The following EPB41L3 variants were observed in gnomAD, a reference collection of about 807,000 sequenced individuals.
EPB41L3 encodes the protein erythrocyte membrane protein band 4.1 like 3, also known as band 4.1-like protein 3.
A neutral mutation model predicts 127.1 loss-of-function variants in EPB41L3; 57 were observed. The observed-to-expected ratio is 0.45, with a 90% CI of 0.36 to 0.56. The LOEUF is 0.56. Among genes scored for constraint, EPB41L3 ranks in the 20% least tolerant of loss-of-function variants. The pLI, the probability that EPB41L3 is intolerant of heterozygous loss-of-function variation, is 0.00. For missense variants in EPB41L3, 1,273 were observed against 1,372.2 expected (o/e 0.93, Z 1.14); for synonymous variants, 572 against 549.5 (o/e 1.04, Z -0.57).
chr18:5,433,319 C>G (rs956775340), intron 8 of EPB41L3, 150 bp downstream of exon 8: 1 of 607,120 alleles, frequency 1.6e-6, no homozygotes, highest in Non-Finnish European at 2.9e-6. Flanking sequence ...TTTGTTGTAT[C>G]GTGGAGTAGG....
chr18:5,445,030 G>A, intron 4 of EPB41L3, 110 bp downstream of exon 4: 1 of 742,572 alleles, frequency 1.3e-6, no homozygotes, highest in Non-Finnish European at 2.3e-6. Flanking sequence ...GAAAGTGTGG[G>A]AGAATGAAGG....
chr18:5,396,885 A>T (rs556733289), intron 18 of EPB41L3, among the ~76,000 whole-genome samples, 173 bp downstream of exon 18: 19 of 152,324 alleles, frequency 1.2e-4, no homozygotes, highest in African/African-American at 4.6e-4. Context: ...CAAAGCTGGA[A>T]ATCAGTGTGG....
chr18:5,507,785 G>A (rs1436276663), intron 1 of EPB41L3, among the ~76,000 whole-genome samples: 1 of 152,140 alleles, frequency 6.6e-6, no homozygotes, highest in Non-Finnish European at 1.5e-5. Context: ...TTTGGACCAA[G>A]TTCCTTAAAA....
intron 3 of EPB41L3, among the ~76,000 whole-genome samples, chr18:5,453,332 A>T (rs1265635565): frequency 6.6e-6 from 1 of 152,210 alleles, no homozygotes; most frequent in Admixed American, 6.5e-5. Flanking sequence ...GAAGAGAATG[A>T]GGAGAGCAAG....
chr18:5,429,423 T>C (rs188595488), intron 8 of EPB41L3: 2 of 152,216 alleles, frequency 1.3e-5, no homozygotes, highest in African/African-American at 2.4e-5. Flanking sequence ...GTGGTGGCCA[T>C]GAATGAAGGA....
At chr18:5,442,821 A>G (rs2146241530) in intron 5 of EPB41L3, among the ~76,000 whole-genome samples, 1 of 152,372 alleles carries the variant, frequency 6.6e-6, no homozygotes, top group Non-Finnish European at 1.5e-5. Context: ...ACACTGGATG[A>G]TACTGCTGGA....
At chr18:5,472,523 A>T (rs556328419) in intron 3 of EPB41L3, among the ~76,000 whole-genome samples, 83 of 152,360 alleles carry the variant, frequency 5.4e-4, no homozygotes, top group African/African-American at 1.9e-3. Context: ...GCTACGTGGA[A>T]TCAAAAGCTC....
chr18:5,545,295 T>G (rs960020663), upstream of EPB41L3, among the ~76,000 whole-genome samples: 1 of 152,134 alleles, frequency 6.6e-6, no homozygotes, highest in African/African-American at 2.4e-5. Context: ...AAAAAATGGA[T>G]TCACAAAAAT....
At chr18:5,460,343 C>G (rs1451403452) in intron 3 of EPB41L3, among the ~76,000 whole-genome samples, 1 of 152,084 alleles carries the variant, frequency 6.6e-6, no homozygotes, top group African/African-American at 2.4e-5. Context: ...TGTGATACTC[C>G]CACCATCTAA....
At chr18:5,428,011 T>G (rs2078458907) in intron 9 of EPB41L3, among the ~76,000 whole-genome samples, 1 of 151,914 alleles carries the variant, frequency 6.6e-6, no homozygotes, top group African/African-American at 2.4e-5. Context: ...GCCCCCGGCC[T>G]CCCAAAGTGC....
intron 3 of EPB41L3, among the ~76,000 whole-genome samples, chr18:5,568,322 G>A (rs2094233408): frequency 6.7e-6 from 1 of 149,978 alleles, no homozygotes. Flanking sequence ...TGGCGCATAA[G>A]TGAAAAGTGA....
intron 8 of EPB41L3, among the ~76,000 whole-genome samples, chr18:5,430,427 C>T (rs1007110226): frequency 2.0e-5 from 3 of 152,030 alleles, no homozygotes; most frequent in African/African-American, 4.8e-5. Flanking sequence ...AAAATGAAAA[C>T]GGCACAAACG....
At chr18:5,517,734 G>A (rs981963556) in intron 1 of EPB41L3, among the ~76,000 whole-genome samples, 1 of 152,092 alleles carries the variant, frequency 6.6e-6, no homozygotes, top group Non-Finnish European at 1.5e-5. Flanking sequence ...CACTGCACCT[G>A]GCCAGGAAGC....
intron 3 of EPB41L3, among the ~76,000 whole-genome samples, chr18:5,447,441 TAG>T (rs2081632769): frequency 6.8e-6 from 1 of 146,860 alleles, no homozygotes; most frequent in African/African-American, 2.5e-5. Flanking sequence ...TTGCTTTAGC[TAG>T]ACTACTTTTT....
chr18:5,401,042 G>A (rs2074414801), intron 16 of EPB41L3: 1 of 1,532,656 alleles, frequency 6.5e-7, no homozygotes, highest in Non-Finnish European at 8.7e-7. Context: ...TTCTTCTTTG[G>A]TCTGTTTGAA....
At chr18:5,602,532 A>G (rs148388216) in intron 3 of EPB41L3, among the ~76,000 whole-genome samples, 175 of 152,018 alleles carry the variant, frequency 1.2e-3, no homozygotes, top group African/African-American at 4.1e-3. Context: ...GTAGCCTCAA[A>G]CTCCTGGGCT....
chr18:5,560,703 T>G (rs149135838), intron 3 of EPB41L3, among the ~76,000 whole-genome samples: 186 of 152,140 alleles, frequency 1.2e-3, no homozygotes, highest in Admixed American at 3.5e-3. Context: ...GAGAGGAAAT[T>G]AAATGGCAAG....
intron 3 of EPB41L3, among the ~76,000 whole-genome samples, chr18:5,598,489 A>G (rs914146699): frequency 5.9e-5 from 9 of 152,204 alleles, no homozygotes; most frequent in Non-Finnish European, 1.2e-4. Context: ...AATATTTTAA[A>G]ATATTATTAG....
chr18:5,428,363 T>G lies in EPB41L3; in HGVS notation c.1015A>C (p.Lys339Gln), dbSNP rs2078523645. ...INRFAWPKVL[K>Q]ISYKRNNFYI... ...AAGTTGTTCCGTTTGTATGAAATCT[T>G]TAGAACCTTGGGCCAGGCAAATCTG... is the stretch of plus-strand genomic sequence containing the variant. The change falls in exon 9 of 23, where the codon AAG (lysine) becomes CAG (glutamine). Residue 339 changes from lysine to glutamine, a missense_variant. Coordinates refer to ENST00000341928, the MANE Select transcript of EPB41L3 (RefSeq NM_012307.5). 1 of 1,614,100 alleles carries G rather than the reference T, an allele frequency of 6.2e-7. No homozygotes were observed. The highest frequency in any genetic ancestry group is 8.5e-7 in the Non-Finnish European group (1 of 1,180,052).
Sources: allele counts gnomAD v4.1 joint callset (sites outside exome capture counted in the v4.1 genomes callset), GRCh38; gene constraint gnomAD v4.1.1; transcripts MANE v1.5; gene names NCBI Gene and HGNC (gene_info 2026-07-23, HGNC 2026-07-21).